The following STARD5 variants were observed in gnomAD, a reference collection of about 807,000 sequenced individuals.
The protein encoded by STARD5 is StAR related lipid transfer domain containing 5.
STARD5 carries 26 observed loss-of-function variants against 24.6 expected under a neutral mutation model. The ratio of observed to expected loss-of-function variants is 1.06; its 90% CI spans 0.77 to 1.47. STARD5 has a LOEUF of 1.47. Among genes scored for constraint, STARD5 ranks in the 40% most tolerant of loss-of-function variants. The pLI, the probability that STARD5 is intolerant of heterozygous loss-of-function variation, is 0.00. For missense variants in STARD5, 254 were observed against 270.8 expected, an observed-to-expected ratio of 0.94 and a Z score of 0.44; for synonymous variants, 101 against 99.7, an observed-to-expected ratio of 1.01 and a Z score of -0.07.
Position 81,313,380 on chromosome 15 carries a change from A to T in STARD5, c.518T>A (p.Val173Asp), listed in dbSNP as rs1164330273. Residue 173 changes from valine (V) to aspartate (D), a missense_variant, in exon 6 of 6, where the codon GTC (valine) becomes GAC (aspartate). Coordinates refer to ENST00000302824, the MANE Select transcript of STARD5 (RefSeq NM_181900.3). The part of the protein sequence containing the change: ...LPGEPTKTNL[V>D]TFFHTDLSGY... The stretch of plus-strand genomic sequence containing the variant: ...GCTGAGGTCGGTATGGAAGAATGTG[A>T]CCAGGTTGGTCTTGGTGGGTTCCCT... 2 of 1,567,318 alleles carry T rather than the reference A, an allele frequency of 1.3e-6. No individual in the cohort carries two copies. Among genetic ancestry groups the T allele is most frequent in the East Asian group, 4.8e-5 (2 of 41,544 alleles).
At chr15:81,323,293 A>C (rs1176131490) in intron 1 of STARD5, 1 of 360,584 alleles carries the variant, frequency 2.8e-6, no homozygotes, top group Non-Finnish European at 5.1e-6. Context: ...CCCTCTGGCA[A>C]CGACAAAGAG....
chr15:81,316,207 C>A (rs578062501), intron 5 of STARD5, among the ~76,000 whole-genome samples: 2 of 152,184 alleles, frequency 1.3e-5, no homozygotes, highest in Non-Finnish European at 2.9e-5. Flanking sequence ...ATTAGGGAAA[C>A]CCCCTAGATA....
intron 3 of STARD5, among the ~76,000 whole-genome samples, chr15:81,320,899 A>C (rs1183940114): frequency 6.6e-6 from 1 of 152,230 alleles, no homozygotes; most frequent in Non-Finnish European, 1.5e-5. Flanking sequence ...AACTCATGGC[A>C]TGGCCCTGTA....
intron 4 of STARD5, among the ~76,000 whole-genome samples, chr15:81,318,743 C>T (rs2141675758): frequency 6.6e-6 from 1 of 152,336 alleles, no homozygotes; most frequent in South Asian, 2.1e-4. Context: ...CTTGCACTCA[C>T]ACACACTCAC....
intron 3 of STARD5, among the ~76,000 whole-genome samples, chr15:81,320,413 T>G (rs1289672067): frequency 6.6e-6 from 1 of 152,234 alleles, no homozygotes; most frequent in African/African-American, 2.4e-5. Flanking sequence ...AACTACTCCG[T>G]GTTTCCTTCA....
At chr15:81,314,373 A>G (rs1245453740) in intron 5 of STARD5, among the ~76,000 whole-genome samples, 2 of 152,178 alleles carry the variant, frequency 1.3e-5, no homozygotes, top group Admixed American at 6.5e-5. Flanking sequence ...GATGGAACAC[A>G]ACTTGGTAGG....
At position 81,322,549 on chromosome 15, in the gene STARD5, C is replaced by T. The variant is rs376957142; in HGVS notation, c.150-9G>A. 4.3e-5 allele frequency: 70 copies of T among 1,613,784 alleles called. 1 individual carries two copies. The highest frequency in any genetic ancestry group is 2.0e-4 in the East Asian group (9 of 44,888). On this transcript the variant is annotated splice_polypyrimidine_tract_variant and intron_variant, in intron 2 of 5. Coordinates refer to ENST00000302824, the MANE Select transcript of STARD5 (RefSeq NM_181900.3). ...TGCCTTCTCCTCGGTACCTGGAGCA[C>T]GAAAAGGAATTTGACCCCAACGCAT...
chr15:81,322,793 G>A, intron 2 of STARD5, 106 bp downstream of exon 2: 1 of 1,456,374 alleles, frequency 6.9e-7, no homozygotes, highest in Non-Finnish European at 9.6e-7. Context: ...GAGGACAAGT[G>A]ATCACAGGTT....
In STARD5 at chr15:81,324,000, C is replaced by A; in HGVS notation, c.99+1G>T. 1 of 1,594,314 alleles carries A rather than the reference C, an allele frequency of 6.3e-7. No homozygotes were observed. Among genetic ancestry groups the A allele is most frequent in the Non-Finnish European group, 8.5e-7 (1 of 1,169,752 alleles). ...CCCTTCCCGCCCAGCTCCTCACTCACGCCTTCCCGGCAAATCTTCCAGCCT... is the reference window on the plus strand; with the variant it reads ...CCCTTCCCGCCCAGCTCCTCACTCAAGCCTTCCCGGCAAATCTTCCAGCCT... On this transcript the variant is annotated splice_donor_variant, in intron 1 of 5. Coordinates refer to ENST00000302824, the MANE Select transcript of STARD5 (RefSeq NM_181900.3). LOFTEE classifies it high-confidence loss of function.
intron 3 of STARD5, among the ~76,000 whole-genome samples, chr15:81,321,809 C>T (rs562665194): frequency 3.3e-5 from 5 of 152,164 alleles, no homozygotes; most frequent in Non-Finnish European, 7.4e-5. Context: ...ATTTAAAAAA[C>T]CTTGTTCATG....
Position 81,313,643 on chromosome 15 carries a change from C to T in STARD5, c.495-240G>A, listed in dbSNP as rs1412534104. On this transcript the variant is annotated intron_variant, in intron 5 of 5. Transcript: ENST00000302824. Reference sequence around the variant, plus strand: ...CCCGGCCTCCAGGGAGGAAGAAGTCCCTACTCCCAGCCCAAAAACCCAGTA... The same window carrying T: ...CCCGGCCTCCAGGGAGGAAGAAGTCTCTACTCCCAGCCCAAAAACCCAGTA... 9.3e-6 allele frequency: 3 copies of T among 323,254 alleles called. No homozygotes were observed. In the East Asian group the frequency reaches 1.5e-4, roughly 16 times the overall value. The allele number at this position is 323,254 out of a possible 1,614,324, so 20.0% of individuals were successfully genotyped here. A position where few individuals can be genotyped will look rare whatever the true frequency, so the allele number is the denominator to read the frequency against.
At chr15:81,322,809 G>A (rs1893315519) in intron 2 of STARD5, 90 bp downstream of exon 2, 7 of 1,531,678 alleles carry the variant, frequency 4.6e-6, no homozygotes, top group African/African-American at 2.7e-5. Context: ...AGGTTATAGG[G>A]TTGATTTGAA....
chr15:81,323,041 C>G (rs1388093745), intron 1 of STARD5, 93 bp from the exon 2 acceptor site: 1 of 1,401,004 alleles, frequency 7.1e-7, no homozygotes, highest in African/African-American at 1.4e-5. Flanking sequence ...GGGTAAGAGG[C>G]CTCAAGAGAT....
intron 5 of STARD5, among the ~76,000 whole-genome samples, chr15:81,315,944 C>T (rs1901072938): frequency 6.6e-6 from 1 of 152,188 alleles, no homozygotes; most frequent in Non-Finnish European, 1.5e-5. Flanking sequence ...TCAGGCCTCC[C>T]CAGTGGCTTC....
rs1329008445 is a variant in STARD5, at chr15:81,311,977, G to GAAGT, written c.*1275_*1278dup. On this transcript the variant is annotated 3_prime_UTR_variant, in exon 6 of 6. Transcript: ENST00000302824. Reference sequence around the variant, plus strand: ...AGTCACCCCAGGACTCAAAAATAGGGAAGTAACAGTAACGCAGGGGAAACG... The same window carrying GAAGT: ...AGTCACCCCAGGACTCAAAAATAGGGAAGTAAGTAACAGTAACGCAGGGGAAACG... 2 of 152,204 alleles carry GAAGT rather than the reference G, an allele frequency of 1.3e-5. No homozygotes were observed. The highest frequency in any genetic ancestry group is 4.8e-5 in the African/African-American group (2 of 41,426). 9.4% of individuals were successfully genotyped at this position (152,204 alleles called of 1,614,324 possible).
In STARD5 at chr15:81,310,743, A is replaced by G. The variant is rs886585015; in HGVS notation, c.*2513T>C. 2 of 152,210 alleles carry G rather than the reference A, an allele frequency of 1.3e-5. No homozygotes were observed. Among genetic ancestry groups the G allele is most frequent in the Non-Finnish European group, 2.9e-5 (2 of 68,090 alleles). The allele number at this position is 152,210 out of a possible 1,614,324, so 9.4% of individuals were successfully genotyped here. ...AGTCTTATCAAGCAGCCAAGGGATG[A>G]AAGAGAAGGTGGGTTTTCATCAAGA... On this transcript the variant is annotated 3_prime_UTR_variant, in exon 6 of 6. Transcript: ENST00000302824.
chr15:81,323,030 G>A (rs749831230), intron 1 of STARD5, 82 bp from the exon 2 acceptor site: 20 of 1,485,710 alleles, frequency 1.3e-5, no homozygotes, highest in Admixed American at 1.8e-5. Context: ...CTACAGAAGA[G>A]GGGTAAGAGG....
intron 5 of STARD5, among the ~76,000 whole-genome samples, chr15:81,315,844 A>C (rs1901071028): frequency 6.6e-6 from 1 of 152,110 alleles, no homozygotes; most frequent in South Asian, 2.1e-4. Flanking sequence ...AGGCTTTGAG[A>C]TGGAAGGAAG....
At position 81,322,606 on chromosome 15, in the gene STARD5, A is replaced by C. The variant is rs1240740546; in HGVS notation, c.150-66T>G. On this transcript the variant is annotated intron_variant, in intron 2 of 5. Coordinates refer to ENST00000302824, the MANE Select transcript of STARD5 (RefSeq NM_181900.3). ...AACTTGTTATCTTGAGATTGTATCTAAGGACTAGAAGGTGGACCATGCCAT... is the reference window on the plus strand; with the variant it reads ...AACTTGTTATCTTGAGATTGTATCTCAGGACTAGAAGGTGGACCATGCCAT... 1.9e-6 allele frequency: 3 copies of C among 1,606,814 alleles called. No individual in the cohort carries two copies. In the Admixed American group the frequency reaches 5.0e-5, roughly 27 times the overall value.
Sources: allele counts gnomAD v4.1 joint callset (sites outside exome capture counted in the v4.1 genomes callset), GRCh38; gene constraint gnomAD v4.1.1; transcripts MANE v1.5; gene names NCBI Gene and HGNC (gene_info 2026-07-23, HGNC 2026-07-21).